The following ARHGEF38 variants were observed in gnomAD, a reference collection of about 807,000 sequenced individuals.
The protein encoded by ARHGEF38 is Rho guanine nucleotide exchange factor 38.
ARHGEF38 carries 79 observed loss-of-function variants against 79.9 expected under a neutral mutation model. The ratio of observed to expected loss-of-function variants is 0.99; its 90% CI spans 0.82 to 1.19. ARHGEF38 has a LOEUF of 1.19. Among genes scored for constraint, ARHGEF38 ranks in the 50% most tolerant of loss-of-function variants. ARHGEF38 has a pLI of 0.00. For missense variants in ARHGEF38, 962 were observed against 907.2 expected (o/e 1.06, Z -0.78); for synonymous variants, 366 against 328.3 (o/e 1.11, Z -1.24).
chr4:105,589,426 A>G lies in ARHGEF38; in HGVS notation c.375A>G (p.Arg125=). 1 of 1,605,548 alleles carries G rather than the reference A, an allele frequency of 6.2e-7. No homozygotes were observed. Residue 125 remains arginine, a synonymous_variant, in exon 2 of 14, where the codon AGA becomes AGG. Transcript: ENST00000420470. ...LCVREVVQPL[R]NKKTDRLDVD... is the part of the protein sequence containing the mutation. Reference sequence around the variant, plus strand: ...TTAGGGAAGTGGTTCAGCCCCTGAGAAATAAAAAGGTAAATATATATTTGA... The same window carrying G: ...TTAGGGAAGTGGTTCAGCCCCTGAGGAATAAAAAGGTAAATATATATTTGA...
At position 105,654,173 on chromosome 4, in the gene ARHGEF38, G is replaced by A. The variant is rs150981996; in HGVS notation, c.1113+4G>A. On this transcript the variant is annotated splice_donor_region_variant and intron_variant, in intron 8 of 13. Transcript: ENST00000420470. ...ACTCTGTCTTCAACACATACAGGTA[G>A]GTGAGACACAACTGTTTTCAGTGTT... 87 of 1,442,996 alleles carry A rather than the reference G, an allele frequency of 6.0e-5. No individual in the cohort carries two copies. The African/African-American group carries it at 1.1e-3, about 17-fold the overall frequency. 89.4% of individuals were successfully genotyped at this position (1,442,996 alleles called of 1,614,324 possible). A position where few individuals can be genotyped will look rare whatever the true frequency, so the allele number is the denominator to read the frequency against.
At chr4:105,595,641 A>G (rs1454984772) in intron 2 of ARHGEF38, among the ~76,000 whole-genome samples, 4 of 152,152 alleles carry the variant, frequency 2.6e-5, no homozygotes, top group South Asian at 2.1e-4. Flanking sequence ...AGGATCCACC[A>G]AGAATACCAA....
intron 2 of ARHGEF38, among the ~76,000 whole-genome samples, chr4:105,607,213 CA>C (rs1335995435): frequency 6.6e-6 from 1 of 152,006 alleles, no homozygotes; most frequent in Non-Finnish European, 1.5e-5. Context: ...TACCAATGGC[CA>C]AACTAAGCAC....
chr4:105,669,713 A>G (rs1160530112), intron 13 of ARHGEF38, among the ~76,000 whole-genome samples: 1 of 152,168 alleles, frequency 6.6e-6, no homozygotes. Context: ...TATATTTACA[A>G]AGTTGTGCAA....
Position 105,589,290 on chromosome 4 carries a change from T to G in ARHGEF38, c.239T>G (p.Leu80Ter). The G allele has an allele frequency of 3.7e-6, 6 of 1,614,026 alleles. No individual in the cohort carries two copies. Among genetic ancestry groups the G allele is most frequent in the Non-Finnish European group, 5.1e-6 (6 of 1,179,980 alleles). ...GGTGAGTGTTCTGTAGCTGAGACCTTAACCCCAGAGGAAGAGCATCATATG... is the reference window on the plus strand; with the variant it reads ...GGTGAGTGTTCTGTAGCTGAGACCTGAACCCCAGAGGAAGAGCATCATATG... ...PQGECSVAET[L>*]TPEEEHHMKR... Residue 80 changes from leucine to a stop codon, truncating the protein, a stop_gained, in exon 2 of 14, where the codon TTA becomes TGA. Coordinates refer to ENST00000420470, the MANE Select transcript of ARHGEF38 (RefSeq NM_001242729.2). LOFTEE classifies it high-confidence loss of function.
chr4:105,630,812 A>C (rs1729152706), intron 3 of ARHGEF38, 86 bp from the exon 4 acceptor site: 1 of 1,233,118 alleles, frequency 8.1e-7, no homozygotes. Context: ...CAAGTTTTTG[A>C]CACGAGTCGA....
At chr4:105,665,258 G>A (rs1234704211) in intron 10 of ARHGEF38, among the ~76,000 whole-genome samples, 1 of 152,152 alleles carries the variant, frequency 6.6e-6, no homozygotes, top group African/African-American at 2.4e-5. Context: ...ACTTTGGGAG[G>A]CCGAGGCGGG....
intron 3 of ARHGEF38, among the ~76,000 whole-genome samples, chr4:105,626,578 T>C (rs1728955834): frequency 6.6e-6 from 1 of 152,188 alleles, no homozygotes. Flanking sequence ...CTCTCTTAAC[T>C]GCAATAACTT....
intron 2 of ARHGEF38, among the ~76,000 whole-genome samples, chr4:105,595,365 G>A (rs867274468): frequency 1.3e-5 from 2 of 151,896 alleles, no homozygotes; most frequent in East Asian, 1.9e-4. Flanking sequence ...TCTAAAAAAT[G>A]GTTTAAAATA....
intron 3 of ARHGEF38, among the ~76,000 whole-genome samples, chr4:105,619,387 G>A (rs940826996): frequency 3.3e-5 from 5 of 151,932 alleles, no homozygotes; most frequent in Admixed American, 6.6e-5. Context: ...ACCAACTGAC[G>A]GGAAACATAG....
chr4:105,559,712 C>G (rs1725425095), intron 1 of ARHGEF38, among the ~76,000 whole-genome samples: 2 of 151,630 alleles, frequency 1.3e-5, no homozygotes, highest in Non-Finnish European at 2.9e-5. Flanking sequence ...TGGCCTCCAT[C>G]TGTATCCTTG....
chr4:105,605,526 G>A (rs933291936), intron 2 of ARHGEF38, among the ~76,000 whole-genome samples: 2 of 152,058 alleles, frequency 1.3e-5, no homozygotes, highest in Admixed American at 1.3e-4. Context: ...GCAGTTATCA[G>A]GTAACTTAAG....
intron 4 of ARHGEF38, among the ~76,000 whole-genome samples, chr4:105,635,549 T>C (rs1189495436): frequency 6.6e-6 from 1 of 152,146 alleles, no homozygotes; most frequent in Non-Finnish European, 1.5e-5. Context: ...TATTCACTTA[T>C]TGGTTTGCAT....
intron 5 of ARHGEF38, among the ~76,000 whole-genome samples, chr4:105,638,765 C>T (rs1210712146): frequency 1.3e-5 from 2 of 152,050 alleles, no homozygotes; most frequent in Non-Finnish European, 2.9e-5. Context: ...GAATATCTTT[C>T]CATGTCAGTA....
chr4:105,578,698 G>GTT (rs1726629932), intron 1 of ARHGEF38, among the ~76,000 whole-genome samples: 1 of 152,038 alleles, frequency 6.6e-6, no homozygotes, highest in Admixed American at 6.5e-5. Context: ...TTGCTTTAAG[G>GTT]TCTGTGTGAT....
At position 105,667,527 on chromosome 4, in the gene ARHGEF38, TG is replaced by T; in HGVS notation, c.1973del (p.Cys658LeufsTer56). 1 of 1,536,626 alleles carries T rather than the reference TG, an allele frequency of 6.5e-7. No individual in the cohort carries two copies. Among genetic ancestry groups the T allele is most frequent in the South Asian group, 1.2e-5 (1 of 84,068 alleles). ...MQKVDAENRF[C>X]DDDFENISLF... ...GAAAGTGGATGCTGAGAACAGGTTCTGTGACGATGATTTTGAGAACATCAGC... is the reference window on the plus strand; with the variant it reads ...GAAAGTGGATGCTGAGAACAGGTTCTTGACGATGATTTTGAGAACATCAGC... On this transcript the variant is annotated frameshift_variant, in exon 13 of 14. Coordinates refer to ENST00000420470, the MANE Select transcript of ARHGEF38 (RefSeq NM_001242729.2). LOFTEE classifies it high-confidence loss of function.
At chr4:105,631,917 C>T (rs529084941) in intron 4 of ARHGEF38, among the ~76,000 whole-genome samples, 94 of 152,188 alleles carry the variant, frequency 6.2e-4, no homozygotes, top group African/African-American at 2.2e-3. Context: ...TTTGATTAGA[C>T]CAGGAATTAA....
chr4:105,563,324 T>G (rs191898730), intron 1 of ARHGEF38: 2 of 152,296 alleles, frequency 1.3e-5, no homozygotes, highest in Admixed American at 1.3e-4. Flanking sequence ...CAGAAGCCAT[T>G]CCAGGCAGAG....
intron 1 of ARHGEF38, among the ~76,000 whole-genome samples, chr4:105,567,939 C>T (rs1367165250): frequency 7.4e-6 from 1 of 135,198 alleles, no homozygotes; most frequent in African/African-American, 2.7e-5. Flanking sequence ...CCCCTCCCCC[C>T]ACCCCACAAC....
Sources: allele counts gnomAD v4.1 joint callset (sites outside exome capture counted in the v4.1 genomes callset), GRCh38; gene constraint gnomAD v4.1.1; transcripts MANE v1.5; gene names NCBI Gene and HGNC (gene_info 2026-07-23, HGNC 2026-07-21).